The following NDST4 variants were observed in gnomAD, a reference collection of about 807,000 sequenced individuals.
NDST4 encodes N-heparan sulfate sulfotransferase 4.
NDST4 carries 63 observed loss-of-function variants against 100.8 expected under a neutral mutation model. The ratio of observed to expected loss-of-function variants is 0.62; its 90% CI spans 0.51 to 0.77. NDST4 has a LOEUF of 0.77. Ranked by LOEUF, NDST4 falls within the 30% of genes least tolerant of loss-of-function variation. The pLI is 0.00. For missense variants in NDST4, 943 were observed against 1,018.4 expected, an observed-to-expected ratio of 0.93 and a Z score of 1.01; for synonymous variants, 377 against 361.8, an observed-to-expected ratio of 1.04 and a Z score of -0.48.
intron 6 of NDST4, among the ~76,000 whole-genome samples, chr4:114,920,234 T>C (rs1725260804): frequency 6.6e-6 from 1 of 152,170 alleles, no homozygotes; most frequent in South Asian, 2.1e-4. Context: ...AATTTCTTTT[T>C]TATTTTTCTC....
At chr4:114,889,511 T>C (rs1161504267) in intron 6 of NDST4, among the ~76,000 whole-genome samples, 1 of 152,220 alleles carries the variant, frequency 6.6e-6, no homozygotes, top group Admixed American at 6.6e-5. Context: ...AAAACTTGTG[T>C]TCACATTAGG....
rs562412946 is a variant in NDST4, at chr4:114,920,810, T to C, written c.1536+14396A>G. On this transcript the variant is annotated intron_variant, in intron 6 of 13. Coordinates refer to ENST00000264363, the MANE Select transcript of NDST4 (RefSeq NM_022569.3). ...AATGGAGACAGATCTGTAGGATCAA[T>C]AACTGCAGACATGAAGAGTATCCTA... Among the ~76,000 whole-genome samples the C allele has an allele frequency of 2.0e-5, 3 of 152,306 alleles. No individual in the cohort carries two copies. The South Asian group carries it at 6.2e-4, about 32-fold the overall frequency.
At chr4:115,085,629 C>G (rs1729394711) in intron 1 of NDST4, among the ~76,000 whole-genome samples, 1 of 152,036 alleles carries the variant, frequency 6.6e-6, no homozygotes, top group African/African-American at 2.4e-5. Flanking sequence ...GGTGATTTTC[C>G]CCCTTTGCTC....
intron 6 of NDST4, among the ~76,000 whole-genome samples, chr4:114,928,275 T>C (rs1400646517): frequency 6.6e-6 from 1 of 152,170 alleles, no homozygotes; most frequent in African/African-American, 2.4e-5. Context: ...CCTCATTCCA[T>C]TCCTGCAGGC....
At chr4:114,937,875 A>T (rs1725664229) in intron 4 of NDST4, among the ~76,000 whole-genome samples, 1 of 137,962 alleles carries the variant, frequency 7.2e-6, no homozygotes, top group Non-Finnish European at 1.6e-5. Context: ...ATGCGTGTGT[A>T]CGTGTGTGTG....
At chr4:114,851,090 CT>C (rs1723666752) in intron 8 of NDST4, among the ~76,000 whole-genome samples, 1 of 152,148 alleles carries the variant, frequency 6.6e-6, no homozygotes, top group South Asian at 2.1e-4. Flanking sequence ...TTGGGAACCA[CT>C]TTTGTACCTC....
At chr4:114,920,926 C>T (rs375147086) in intron 6 of NDST4, among the ~76,000 whole-genome samples, 213 of 152,074 alleles carry the variant, frequency 1.4e-3, no homozygotes, top group African/African-American at 4.6e-3. Flanking sequence ...TCATCTCAGC[C>T]CTCTAAATTA....
At chr4:115,060,940 T>C (rs887525439) in intron 2 of NDST4, among the ~76,000 whole-genome samples, 12 of 151,882 alleles carry the variant, frequency 7.9e-5, no homozygotes, top group Non-Finnish European at 1.5e-4. Context: ...AATAAGATAT[T>C]GGAATCTATA....
intron 4 of NDST4, among the ~76,000 whole-genome samples, chr4:114,940,436 A>G (rs1725724054): frequency 6.6e-6 from 1 of 152,202 alleles, no homozygotes; most frequent in Admixed American, 6.5e-5. Context: ...CCTACTGATC[A>G]TATCTTCTTT....
At chr4:114,845,090 G>T (rs1220179490) in intron 10 of NDST4, among the ~76,000 whole-genome samples, 1 of 152,174 alleles carries the variant, frequency 6.6e-6, no homozygotes, top group Non-Finnish European at 1.5e-5. Context: ...AAAATTTTGG[G>T]AGGCTGAGGT....
intron 6 of NDST4, among the ~76,000 whole-genome samples, chr4:114,929,033 T>TCC: frequency 6.8e-6 from 1 of 146,156 alleles, no homozygotes; most frequent in Non-Finnish European, 1.5e-5. Context: ...TCTGTCTGTC[T>TCC]GTCTGTCTGT....
At chr4:115,084,753 C>T (rs371494703) in intron 1 of NDST4, among the ~76,000 whole-genome samples, 24 of 152,258 alleles carry the variant, frequency 1.6e-4, no homozygotes, top group South Asian at 4.1e-4. Flanking sequence ...TGAGAACCTC[C>T]GCCTATAATT....
chr4:114,970,003 A>T (rs1726473878), intron 4 of NDST4, among the ~76,000 whole-genome samples: 2 of 152,076 alleles, frequency 1.3e-5, no homozygotes, highest in African/African-American at 4.8e-5. Flanking sequence ...AATAACTGTT[A>T]TTCTGATTGG....
chr4:115,078,393 T>C (rs542111148), intron 1 of NDST4, among the ~76,000 whole-genome samples: 2 of 152,160 alleles, frequency 1.3e-5, no homozygotes, highest in Non-Finnish European at 2.9e-5. Context: ...AAAATGCTGA[T>C]AGTGATATGG....
chr4:114,941,915 A>G (rs951354320), intron 4 of NDST4, among the ~76,000 whole-genome samples: 11 of 152,202 alleles, frequency 7.2e-5, no homozygotes, highest in Non-Finnish European at 5.9e-5. Context: ...ATTTTTGCCC[A>G]TTTCTAATAA....
chr4:114,831,106 G>T (rs1367565273), intron 12 of NDST4, among the ~76,000 whole-genome samples: 1 of 150,864 alleles, frequency 6.6e-6, no homozygotes, highest in Admixed American at 6.6e-5. Flanking sequence ...ACTGCGGACT[G>T]CAGTGGCGCA....
chr4:115,108,339 T>G (rs555515590), intron 1 of NDST4, among the ~76,000 whole-genome samples: 6 of 152,124 alleles, frequency 3.9e-5, no homozygotes, highest in African/African-American at 1.4e-4. Context: ...TCTGATGAAC[T>G]ATGACAAATT....
At chr4:114,861,983 T>C (rs1444918781) in intron 7 of NDST4, among the ~76,000 whole-genome samples, 1 of 152,156 alleles carries the variant, frequency 6.6e-6, no homozygotes, top group South Asian at 2.1e-4. Flanking sequence ...GTAATGTTTA[T>C]ATATATAAGT....
rs572005097 is a variant in NDST4, at chr4:115,037,400, C to CT, written c.978+38658dup. 1.7e-3 allele frequency among the ~76,000 whole-genome samples: 259 copies of CT among 152,158 alleles called. 1 individual carries two copies. The highest frequency in any genetic ancestry group is 6.0e-3 in the African/African-American group (250 of 41,544). On this transcript the variant is annotated intron_variant, in intron 2 of 13. Transcript: ENST00000264363. The stretch of plus-strand genomic sequence containing the variant: ...TAATTTTGAATTGGACAGATGACTG[C>CT]TAACTTGTAGATCAAAAGTTAAGTA...
Sources: gnomAD v4.1 joint callset for allele counts (sites outside exome capture counted in the v4.1 genomes callset) on GRCh38, gnomAD v4.1.1 for gene constraint, MANE v1.5 for transcripts, NCBI Gene and HGNC (gene_info 2026-07-23, HGNC 2026-07-21) for gene names.